The following RBM28 variants were observed in gnomAD, a reference collection of about 807,000 sequenced individuals.
RBM28 encodes RNA-binding protein 28.
A neutral mutation model predicts 98.3 loss-of-function variants in RBM28; 78 were observed. The ratio of observed to expected loss-of-function variants is 0.79; its 90% CI spans 0.66 to 0.96. RBM28 has a LOEUF of 0.96. Among genes scored for constraint, RBM28 ranks in the 40% least tolerant of loss-of-function variants. The pLI is 0.00. For missense variants in RBM28, 838 were observed against 913.0 expected (o/e 0.92, Z 1.06); for synonymous variants, 306 against 330.9 (o/e 0.92, Z 0.82).
chr7:128,317,881 A>G, intron 15 of RBM28, 76 bp downstream of exon 15: 6 of 1,580,052 alleles, frequency 3.8e-6, no homozygotes, highest in Non-Finnish European at 5.2e-6. Flanking sequence ...GTCAGAGGAC[A>G]CTAGGCATAA....
intron 1 of RBM28, among the ~76,000 whole-genome samples, chr7:128,342,636 G>A (rs891470234): frequency 1.3e-5 from 2 of 151,886 alleles, no homozygotes; most frequent in Non-Finnish European, 2.9e-5. Context: ...AGCGGAGATC[G>A]TGGCACTGCA....
intron 11 of RBM28, among the ~76,000 whole-genome samples, chr7:128,325,190 C>A (rs900097131): frequency 5.3e-5 from 8 of 152,130 alleles, no homozygotes; most frequent in Non-Finnish European, 1.0e-4. Context: ...CACTGGGCCT[C>A]ACAATATTTA....
In RBM28 at chr7:128,337,157, T is replaced by G; in HGVS notation, c.587A>C (p.Lys196Thr). 6.2e-7 allele frequency: 1 copy of G among 1,614,156 alleles called. No homozygotes were observed. Among genetic ancestry groups the G allele is most frequent in the Non-Finnish European group, 8.5e-7 (1 of 1,180,004 alleles). The change falls in exon 6 of 19, where the codon AAA (lysine) becomes ACA (threonine). Residue 196 changes from lysine to threonine, a missense_variant. Transcript: ENST00000223073. ...TATAGCAGAAACAGACTGTGTATCTTTATATTTATCCTTTGCCACGGCCCA... is the reference window on the plus strand; with the variant it reads ...TATAGCAGAAACAGACTGTGTATCTGTATATTTATCCTTTGCCACGGCCCA... Reference protein sequence around the residue: ...VDWAVAKDKYKDTQSVSAIGE... With the variant: ...VDWAVAKDKYTDTQSVSAIGE...
intron 14 of RBM28, among the ~76,000 whole-genome samples, chr7:128,318,757 T>A (rs1796160362): frequency 6.6e-6 from 1 of 152,140 alleles, no homozygotes; most frequent in Admixed American, 6.5e-5. Flanking sequence ...TTGCGATACA[T>A]ACAAATTGAG....
intron 4 of RBM28, among the ~76,000 whole-genome samples, 174 bp from the exon 5 acceptor site, chr7:128,338,516 T>G (rs1046226671): frequency 5.9e-5 from 9 of 152,268 alleles, no homozygotes; most frequent in Admixed American, 2.0e-4. Flanking sequence ...TGACTTGGAC[T>G]TGGGGAGAGC....
In RBM28 at chr7:128,298,620, C is replaced by G. The variant is rs1288951125; in HGVS notation, c.*12177G>C. 6.6e-6 allele frequency: 1 copy of G among 152,108 alleles called. No individual in the cohort carries two copies. The highest frequency in any genetic ancestry group is 2.4e-5 in the African/African-American group (1 of 41,400). The allele number at this position is 152,108 out of a possible 1,614,324, so 9.4% of individuals were successfully genotyped here. The stretch of plus-strand genomic sequence containing the variant: ...TTAAATATACAGAATATATTCTTTA[C>G]ATATAAAACACTGCTCCTTCAGAGC... On this transcript the variant is annotated 3_prime_UTR_variant, in exon 19 of 19. Transcript: ENST00000223073.
intron 7 of RBM28, 69 bp from the exon 8 acceptor site, chr7:128,335,748 T>C (rs1238802463): frequency 6.2e-6 from 10 of 1,613,522 alleles, no homozygotes; most frequent in Non-Finnish European, 7.6e-6. Context: ...ATTACACATG[T>C]CAATTCTGCA....
rs1216891304 is a variant in RBM28 at position 128,303,737 on chromosome 7, G to C, written c.*7060C>G. The C allele has an allele frequency of 6.6e-6, 1 of 152,176 alleles. No individual in the cohort carries two copies. Among genetic ancestry groups the C allele is most frequent in the African/African-American group, 2.4e-5 (1 of 41,422 alleles). The allele number at this position is 152,176 out of a possible 1,614,324, so 9.4% of individuals were successfully genotyped here. A position where few individuals can be genotyped will look rare whatever the true frequency, so the allele number is the denominator to read the frequency against. On this transcript the variant is annotated 3_prime_UTR_variant, in exon 19 of 19. Coordinates refer to ENST00000223073, the MANE Select transcript of RBM28 (RefSeq NM_018077.3). Reference sequence around the variant, plus strand: ...ATGTATTTTCCACGTCAAGATGCCTGAACTTCCCATAACAGCTGTCACTTT... The same window carrying C: ...ATGTATTTTCCACGTCAAGATGCCTCAACTTCCCATAACAGCTGTCACTTT...
Position 128,330,855 on chromosome 7 carries a change from G to A in RBM28, c.1093C>T (p.Arg365Cys), listed in dbSNP as rs760285523. Residue 365 changes from arginine to cysteine, a missense_variant, in exon 10 of 19, where the codon CGC (arginine) becomes TGC (cysteine). By Grantham distance (180) the Arg-to-Cys change is radical. Transcript: ENST00000223073. ...TCTGTGTCTGGATGCAAGACAATGC[G>A]GACATATTTGAGTTCTCCAAACTGT... ...LQQFGELKYV[R>C]IVLHPDTEHS... is the part of the protein sequence containing the mutation. The A allele has an allele frequency of 1.8e-5, 29 of 1,613,862 alleles. No homozygotes were observed. Among genetic ancestry groups the A allele is most frequent in the Admixed American group, 3.3e-5 (2 of 59,992 alleles).
chr7:128,324,427 A>C (rs1471873935), intron 12 of RBM28, 132 bp downstream of exon 12: 30 of 1,288,490 alleles, frequency 2.3e-5, no homozygotes, highest in Non-Finnish European at 3.3e-5. Flanking sequence ...AAGTGGAATG[A>C]TCATATAACA....
At chr7:128,340,787 CTT>C (rs1333756567) in intron 1 of RBM28, among the ~76,000 whole-genome samples, 4 of 152,212 alleles carry the variant, frequency 2.6e-5, no homozygotes, top group African/African-American at 9.7e-5. Context: ...GCTGTGCATT[CTT>C]GTCTCATTTT....
rs184966038 is a variant in RBM28, at chr7:128,307,028, C to G, written c.*3769G>C. ...TGGACAAAAGGAAATCTGGAAATCTCGACTTGGCCTGAGAGAAACCTCATC... is the reference window on the plus strand; with the variant it reads ...TGGACAAAAGGAAATCTGGAAATCTGGACTTGGCCTGAGAGAAACCTCATC... On this transcript the variant is annotated 3_prime_UTR_variant, in exon 19 of 19. Coordinates refer to ENST00000223073, the MANE Select transcript of RBM28 (RefSeq NM_018077.3). The G allele has an allele frequency of 3.3e-5, 5 of 152,344 alleles. No individual in the cohort carries two copies. In the East Asian group the frequency reaches 9.6e-4, roughly 29 times the overall value. 9.4% of individuals were successfully genotyped at this position (152,344 alleles called of 1,614,324 possible).
intron 12 of RBM28, among the ~76,000 whole-genome samples, chr7:128,323,854 C>T (rs1053552090): frequency 6.6e-6 from 1 of 152,224 alleles, no homozygotes; most frequent in African/African-American, 2.4e-5. Flanking sequence ...TCTTCACGTA[C>T]ATGCCCAAAG....
intron 11 of RBM28, 109 bp downstream of exon 11, chr7:128,325,709 T>C (rs1190073097): frequency 1.3e-6 from 1 of 793,816 alleles, no homozygotes; most frequent in Admixed American, 2.1e-5. Context: ...GTTAGTTTTA[T>C]TATTACTGAC....
chr7:128,333,505 G>C, intron 8 of RBM28, 143 bp from the exon 9 acceptor site: 1 of 682,668 alleles, frequency 1.5e-6, no homozygotes, highest in Non-Finnish European at 2.5e-6. Flanking sequence ...ATCACCTGAG[G>C]TCAGGAGTTC....
chr7:128,332,357 T>A lies in RBM28; in HGVS notation c.1019+933A>T, dbSNP rs889649230. 5.0e-5 allele frequency among the ~76,000 whole-genome samples: 6 copies of A among 120,242 alleles called. No homozygotes were observed. In the South Asian group the frequency reaches 7.3e-4, roughly 15 times the overall value. The allele number at this position is 120,242 out of a possible 152,430, so 78.9% of individuals were successfully genotyped here. ...AACACAAATTGTATAAGAAAACAAATTTTTTTTTTTTTTTAAGACAGAGTC... is the reference window on the plus strand; with the variant it reads ...AACACAAATTGTATAAGAAAACAAAATTTTTTTTTTTTTTAAGACAGAGTC... On this transcript the variant is annotated intron_variant, in intron 9 of 18. Coordinates refer to ENST00000223073, the MANE Select transcript of RBM28 (RefSeq NM_018077.3).
intron 1 of RBM28, chr7:128,341,283 C>G (rs1796718647): frequency 3.6e-6 from 3 of 843,282 alleles, no homozygotes; most frequent in Non-Finnish European, 3.3e-6. Context: ...AAAAGCTGCC[C>G]ACTCACCTTT....
intron 6 of RBM28, 96 bp from the exon 7 acceptor site, chr7:128,336,138 C>A: frequency 4.2e-6 from 5 of 1,188,672 alleles, no homozygotes; most frequent in Non-Finnish European, 5.9e-6. Context: ...TTGGTTTCAT[C>A]GGTTTTACAG....
In RBM28 at chr7:128,298,371, C is replaced by T. The variant is rs1795735627; in HGVS notation, c.*12426G>A. The stretch of plus-strand genomic sequence containing the variant: ...ACAGTCCTACTGATATGCGACGTCA[C>T]CCCCGGCAGCCCAGCTGTTAAAATT... On this transcript the variant is annotated 3_prime_UTR_variant, in exon 19 of 19. Coordinates refer to ENST00000223073, the MANE Select transcript of RBM28 (RefSeq NM_018077.3). 6.6e-6 allele frequency: 1 copy of T among 152,106 alleles called. No homozygotes were observed. Among genetic ancestry groups the T allele is most frequent in the Admixed American group, 6.6e-5 (1 of 15,262 alleles). 9.4% of individuals were successfully genotyped at this position (152,106 alleles called of 1,614,324 possible).
Sources: gnomAD v4.1 joint callset for allele counts (sites outside exome capture counted in the v4.1 genomes callset) on GRCh38, gnomAD v4.1.1 for gene constraint, MANE v1.5 for transcripts, NCBI Gene and HGNC (gene_info 2026-07-23, HGNC 2026-07-21) for gene names.